The following CLVS1 variants were observed in gnomAD, a reference collection of about 807,000 sequenced individuals.
CLVS1 encodes clavesin 1.
In CLVS1, 10 loss-of-function variants were observed where a neutral mutation model predicts 33.1. The observed-to-expected ratio is 0.30, with a 90% CI of 0.19 to 0.51. The LOEUF is 0.51. Ranked by LOEUF, CLVS1 falls within the 20% of genes least tolerant of loss-of-function variation. CLVS1 has a pLI of 0.97. For synonymous variants in CLVS1, 163 were observed against 166.1 expected (o/e 0.98, Z 0.14); for missense variants, 343 against 433.4 (o/e 0.79, Z 1.85).
the CLVS1 span, among the ~76,000 whole-genome samples, chr8:61,014,933 A>C: frequency 1.4e-4 from 21 of 152,242 alleles, no homozygotes; most frequent in Admixed American, 1.4e-3. Flanking sequence ...TTCTAGAAGA[A>C]GTAGCTCCTC....
intron 1 of CLVS1, among the ~76,000 whole-genome samples, chr8:61,126,491 A>G (rs913056054): frequency 1.3e-5 from 2 of 152,226 alleles, no homozygotes; most frequent in African/African-American, 4.8e-5. Context: ...TATATACATT[A>G]TTGTTTCACA....
intron 2 of CLVS1, 146 bp from the exon 3 acceptor site, chr8:61,376,459 T>C (rs912911981): frequency 2.6e-5 from 17 of 647,586 alleles, no homozygotes; most frequent in Non-Finnish European, 4.1e-5. Context: ...CAAATGTATT[T>C]TCAGTCCCTT....
At chr8:61,009,653 A>G in the CLVS1 span, among the ~76,000 whole-genome samples, 1 of 152,210 alleles carries the variant, frequency 6.6e-6, no homozygotes, top group Non-Finnish European at 1.5e-5. Context: ...TTTATGGGGC[A>G]TGAACCCAAT....
the CLVS1 span, among the ~76,000 whole-genome samples, chr8:60,988,583 C>T: frequency 6.6e-6 from 1 of 151,934 alleles, no homozygotes; most frequent in South Asian, 2.1e-4. Context: ...AAAATTTATT[C>T]TCAATACTAA....
At chr8:61,056,599 A>G (rs1460422093), upstream of CLVS1, among the ~76,000 whole-genome samples, 2 of 152,126 alleles carry the variant, frequency 1.3e-5, no homozygotes, top group African/African-American at 4.8e-5. Flanking sequence ...AGGACATTAG[A>G]CTTCACATAG....
At chr8:61,151,330 C>T (rs1389299781) in intron 2 of CLVS1, among the ~76,000 whole-genome samples, 1 of 152,016 alleles carries the variant, frequency 6.6e-6, no homozygotes, top group Non-Finnish European at 1.5e-5. Flanking sequence ...ATTTATAGGC[C>T]CTTGGGCTCT....
At chr8:61,233,821 C>T (rs997513922) in intron 2 of CLVS1, among the ~76,000 whole-genome samples, 2 of 152,252 alleles carry the variant, frequency 1.3e-5, no homozygotes, top group Non-Finnish European at 2.9e-5. Context: ...CATTCTCTGC[C>T]TGGTGGGTGA....
At chr8:61,165,118 C>T (rs776567914) in intron 2 of CLVS1, among the ~76,000 whole-genome samples, 12 of 152,310 alleles carry the variant, frequency 7.9e-5, no homozygotes, top group Admixed American at 4.6e-4. Flanking sequence ...GGCACTTAGC[C>T]GTGCAGGAAC....
chr8:61,186,680 G>A (rs1258858124), intron 2 of CLVS1, among the ~76,000 whole-genome samples: 1 of 152,124 alleles, frequency 6.6e-6, no homozygotes, highest in African/African-American at 2.4e-5. Context: ...GAGAGAGGAA[G>A]GGAGGGAGAG....
chr8:61,128,604 A>G (rs1806023266), intron 1 of CLVS1, among the ~76,000 whole-genome samples: 1 of 152,244 alleles, frequency 6.6e-6, no homozygotes, highest in South Asian at 2.1e-4. Context: ...ACCAAGTGTG[A>G]CATCAGTCCC....
At chr8:61,336,314 C>G (rs1454791717) in intron 2 of CLVS1, among the ~76,000 whole-genome samples, 1 of 152,192 alleles carries the variant, frequency 6.6e-6, no homozygotes, top group African/African-American at 2.4e-5. Flanking sequence ...ATTTTAACTT[C>G]TAAAACGCTA....
chr8:61,467,319 G>A (rs973054206), intron 5 of CLVS1, among the ~76,000 whole-genome samples: 13 of 152,136 alleles, frequency 8.5e-5, no homozygotes, highest in Non-Finnish European at 1.5e-4. Flanking sequence ...TCTCAGACGC[G>A]TCCTTTCATT....
intron 2 of CLVS1, among the ~76,000 whole-genome samples, chr8:61,319,766 C>T (rs1563494087): frequency 6.6e-6 from 1 of 152,118 alleles, no homozygotes; most frequent in Non-Finnish European, 1.5e-5. Context: ...GCTTATGCTG[C>T]CACCTTAAGC....
chr8:61,254,120 G>C (rs557740881), intron 2 of CLVS1, among the ~76,000 whole-genome samples: 53 of 152,280 alleles, frequency 3.5e-4, no homozygotes, highest in African/African-American at 1.2e-3. Flanking sequence ...CTTTCTGTTT[G>C]TTTGTTTTCC....
In CLVS1 at chr8:61,068,227, G is replaced by GTATATATATA. The variant is rs761732435; in HGVS notation, c.-243+10998_-243+10999insATATATATAT. On this transcript the variant is annotated intron_variant, in intron 1 of 2. Transcript: ENST00000522621. ...TATATATATATATATATGTATGTAT[G>GTATATATATA]TGTATATATATATATATATATGTAT... Among the ~76,000 whole-genome samples the GTATATATATA allele has an allele frequency of 5.5e-3, 488 of 88,252 alleles. 14 individuals are homozygous for GTATATATATA. The highest frequency in any genetic ancestry group is 0.018 in the African/African-American group (460 of 25,072). 57.9% of individuals were successfully genotyped at this position (88,252 alleles called of 152,430 possible).
intron 1 of CLVS1, chr8:61,057,275 C>T (rs1020312390): frequency 2.0e-5 from 3 of 151,988 alleles, no homozygotes; most frequent in Non-Finnish European, 2.9e-5. Context: ...TGCTTCACCT[C>T]TTCTCTCATG....
chr8:61,389,282 G>A (rs572813861), intron 3 of CLVS1, among the ~76,000 whole-genome samples: 13 of 152,212 alleles, frequency 8.5e-5, no homozygotes, highest in Non-Finnish European at 1.5e-4. Context: ...GCTCACACCT[G>A]TAATCCCAGC....
At chr8:61,273,396 C>G (rs2129592825) in intron 2 of CLVS1, among the ~76,000 whole-genome samples, 1 of 152,300 alleles carries the variant, frequency 6.6e-6, no homozygotes, top group Non-Finnish European at 1.5e-5. Flanking sequence ...CTCTTCAAAG[C>G]TGTCAGAGAG....
intron 3 of CLVS1, among the ~76,000 whole-genome samples, chr8:61,406,608 G>T (rs546024699): frequency 1.3e-5 from 2 of 149,672 alleles, no homozygotes; most frequent in Admixed American, 1.3e-4. Flanking sequence ...ACATAGATTT[G>T]TTTTTTTTGT....
Sources: allele counts gnomAD v4.1 joint callset (sites outside exome capture counted in the v4.1 genomes callset), GRCh38; gene constraint gnomAD v4.1.1; transcripts MANE v1.5; gene names NCBI Gene and HGNC (gene_info 2026-07-23, HGNC 2026-07-21).